HCRTR2: variants seen among roughly 807,000 people sequenced by gnomAD.
HCRTR2 encodes the protein orexin receptor type 2.
HCRTR2 carries 22 observed loss-of-function variants against 49.0 expected under a neutral mutation model. The observed-to-expected ratio is 0.45, with a 90% CI of 0.32 to 0.64. The LOEUF is 0.64. Among genes scored for constraint, HCRTR2 ranks in the 30% least tolerant of loss-of-function variants. The pLI, the probability that HCRTR2 is intolerant of heterozygous loss-of-function variation, is 0.04. For synonymous variants in HCRTR2, 236 were observed against 205.3 expected (o/e 1.15, Z -1.28); for missense variants, 491 against 559.4 (o/e 0.88, Z 1.23).
chr6:55,257,738 A>G (rs1766680142), intron 3 of HCRTR2, among the ~76,000 whole-genome samples: 1 of 151,862 alleles, frequency 6.6e-6, no homozygotes, highest in Non-Finnish European at 1.5e-5. Context: ...AAAAAAGGAA[A>G]CAATTGTTGA....
intron 1 of HCRTR2, among the ~76,000 whole-genome samples, chr6:55,116,445 G>T (rs1234602966): frequency 6.6e-6 from 1 of 150,760 alleles, no homozygotes; most frequent in Non-Finnish European, 1.5e-5. Flanking sequence ...ACTTCTAGGG[G>T]GAGATAGAAA....
At chr6:55,228,338 A>T (rs553650233) in intron 1 of HCRTR2, among the ~76,000 whole-genome samples, 3 of 132,294 alleles carry the variant, frequency 2.3e-5, no homozygotes, top group African/African-American at 9.3e-5. Flanking sequence ...AGGAAAAAAA[A>T]TTAAATATTA....
At chr6:55,170,599 T>A (rs202013826), upstream of HCRTR2, among the ~76,000 whole-genome samples, 1 of 151,526 alleles carries the variant, frequency 6.6e-6, no homozygotes, top group Non-Finnish European at 1.5e-5. Context: ...TTATTTTTAT[T>A]ATACTTTAAG....
chr6:55,215,119 A>C (rs1433828633), intron 1 of HCRTR2, among the ~76,000 whole-genome samples: 1 of 152,222 alleles, frequency 6.6e-6, no homozygotes, highest in Non-Finnish European at 1.5e-5. Context: ...AAAAGTCTAT[A>C]CTTCAGCACA....
At chr6:55,116,986 C>T (rs1468960319) in intron 1 of HCRTR2, among the ~76,000 whole-genome samples, 4 of 151,718 alleles carry the variant, frequency 2.6e-5, no homozygotes, top group African/African-American at 9.7e-5. Context: ...GGCACTCCAT[C>T]TACAGTTGTA....
intron 1 of HCRTR2, among the ~76,000 whole-genome samples, chr6:55,154,859 G>T (rs1178152962): frequency 6.6e-6 from 1 of 151,530 alleles, no homozygotes; most frequent in African/African-American, 2.4e-5. Flanking sequence ...AATAGCTAGA[G>T]CAAAGAAATG....
intron 1 of HCRTR2, among the ~76,000 whole-genome samples, chr6:55,133,045 C>G (rs1323980114): frequency 6.6e-6 from 1 of 151,790 alleles, no homozygotes; most frequent in Admixed American, 6.6e-5. Flanking sequence ...CCCTGAAATG[C>G]TGATATCCAC....
At chr6:55,223,555 G>T (rs1765939533) in intron 1 of HCRTR2, among the ~76,000 whole-genome samples, 2 of 152,094 alleles carry the variant, frequency 1.3e-5, no homozygotes, top group Admixed American at 1.3e-4. Flanking sequence ...GGGAAGAAAA[G>T]GGTCTTTTTA....
chr6:55,133,349 G>A (rs1347784508), intron 1 of HCRTR2, among the ~76,000 whole-genome samples: 1 of 150,244 alleles, frequency 6.7e-6, no homozygotes, highest in South Asian at 2.1e-4. Flanking sequence ...AAATGTATGT[G>A]TGTGAGAGAG....
intron 1 of HCRTR2, among the ~76,000 whole-genome samples, chr6:55,132,220 G>T (rs1012317378): frequency 1.3e-5 from 2 of 151,770 alleles, no homozygotes; most frequent in Non-Finnish European, 3.0e-5. Context: ...ATAACAAGTT[G>T]TCATAATAAA....
At chr6:55,153,258 T>C (rs1336308772) in intron 1 of HCRTR2, among the ~76,000 whole-genome samples, 3 of 152,022 alleles carry the variant, frequency 2.0e-5, no homozygotes, top group Admixed American at 6.6e-5. Context: ...GGATACATTC[T>C]GAGAAATGCA....
chr6:55,271,375 C>T (rs1259265966), intron 4 of HCRTR2, among the ~76,000 whole-genome samples: 1 of 152,026 alleles, frequency 6.6e-6, no homozygotes, highest in Admixed American at 6.6e-5. Flanking sequence ...CACCTCACAC[C>T]ACATTCAAAA....
chr6:55,230,281 A>G (rs969412386), intron 1 of HCRTR2, among the ~76,000 whole-genome samples: 2 of 152,222 alleles, frequency 1.3e-5, no homozygotes, highest in African/African-American at 4.8e-5. Flanking sequence ...AACTATAAGC[A>G]TAATAAATGG....
chr6:55,146,618 G>A (rs574715967), intron 1 of HCRTR2, among the ~76,000 whole-genome samples: 1 of 147,388 alleles, frequency 6.8e-6, no homozygotes, highest in Admixed American at 6.7e-5. Context: ...TCCTTAAGAT[G>A]ACTGTTACAA....
rs1004858380 is a variant in HCRTR2, at chr6:55,224,346, G to C, written c.224-24293G>C. Among the ~76,000 whole-genome samples, 6 of 152,120 alleles carry C rather than the reference G, an allele frequency of 3.9e-5. No individual in the cohort carries two copies. The East Asian group carries it at 5.8e-4, about 15-fold the overall frequency. Reference sequence around the variant, plus strand: ...AACGTAGAAAACATGGGCTGGGTGCGGTGGCTCACGCCTGTAATCGCAGCA... The same window carrying C: ...AACGTAGAAAACATGGGCTGGGTGCCGTGGCTCACGCCTGTAATCGCAGCA... On this transcript the variant is annotated intron_variant, in intron 1 of 6. Transcript: ENST00000370862.
At chr6:55,221,976 A>C (rs1318015920) in intron 1 of HCRTR2, among the ~76,000 whole-genome samples, 1 of 152,262 alleles carries the variant, frequency 6.6e-6, no homozygotes, top group East Asian at 1.9e-4. Flanking sequence ...AAAATTAAAA[A>C]CTGATGCACA....
chr6:55,197,988 C>A (rs538312634), intron 1 of HCRTR2, among the ~76,000 whole-genome samples: 2 of 152,248 alleles, frequency 1.3e-5, no homozygotes, highest in Admixed American at 6.5e-5. Flanking sequence ...GTAAACCTAA[C>A]CTGATTACTC....
intron 1 of HCRTR2, 68 bp downstream of exon 1, chr6:55,174,878 C>T (rs1581808147): frequency 5.6e-6 from 7 of 1,244,856 alleles, no homozygotes; most frequent in African/African-American, 3.0e-5. Context: ...TGAGAAGGCT[C>T]TAAAGAGACC....
intron 1 of HCRTR2, among the ~76,000 whole-genome samples, chr6:55,159,665 T>G (rs1315956840): frequency 6.6e-6 from 1 of 152,158 alleles, no homozygotes; most frequent in East Asian, 1.9e-4. Context: ...AGCTGAAAAC[T>G]ATAGCACAAG....
Sources: gnomAD v4.1 joint callset for allele counts (sites outside exome capture counted in the v4.1 genomes callset) on GRCh38, gnomAD v4.1.1 for gene constraint, MANE v1.5 for transcripts, NCBI Gene and HGNC (gene_info 2026-07-23, HGNC 2026-07-21) for gene names.